The following FRMD4A variants were observed in gnomAD, a reference collection of about 807,000 sequenced individuals.
FRMD4A encodes the protein FERM domain-containing protein 4A.
A neutral mutation model predicts 129.1 loss-of-function variants in FRMD4A; 29 were observed. The observed-to-expected ratio is 0.22, with a 90% CI of 0.17 to 0.31. The LOEUF is 0.31. Ranked by LOEUF, FRMD4A falls within the 10% of genes least tolerant of loss-of-function variation. The pLI is 1.00. For missense variants in FRMD4A, 1,272 were observed against 1,375.8 expected, an observed-to-expected ratio of 0.92 and a Z score of 1.19; for synonymous variants, 634 against 571.6, an observed-to-expected ratio of 1.11 and a Z score of -1.56.
chr10:14,093,839 T>G (rs1447720203), intron 2 of FRMD4A, among the ~76,000 whole-genome samples: 1 of 152,208 alleles, frequency 6.6e-6, no homozygotes, highest in Non-Finnish European at 1.5e-5. Flanking sequence ...CTAGAATGTT[T>G]AATTCTGCTT....
chr10:13,692,646 C>G (rs916002736), intron 15 of FRMD4A: 1 of 149,614 alleles, frequency 6.7e-6, no homozygotes, highest in African/African-American at 2.4e-5. Flanking sequence ...TCTCTCTGGT[C>G]CTTTAAATTT....
chr10:14,259,031 C>A (rs1433280355), intron 2 of FRMD4A, among the ~76,000 whole-genome samples: 1 of 151,916 alleles, frequency 6.6e-6, no homozygotes, highest in East Asian at 1.9e-4. Context: ...ACAAAGGGGG[C>A]AAAAGGAAAT....
chr10:13,969,248 G>C (rs935150296), intron 2 of FRMD4A, among the ~76,000 whole-genome samples: 1 of 152,200 alleles, frequency 6.6e-6, no homozygotes, highest in Non-Finnish European at 1.5e-5. Context: ...CCACCCATGG[G>C]GATTACCTCC....
intron 2 of FRMD4A, among the ~76,000 whole-genome samples, chr10:14,043,292 T>C (rs562711011): frequency 6.6e-6 from 1 of 152,226 alleles, no homozygotes; most frequent in African/African-American, 2.4e-5. Context: ...ATGTTAGTTC[T>C]GAAGGAATTC....
chr10:14,031,132 G>A (rs1833221863), intron 2 of FRMD4A, among the ~76,000 whole-genome samples: 4 of 152,182 alleles, frequency 2.6e-5, no homozygotes, highest in Admixed American at 2.6e-4. Context: ...GCCACCAGAA[G>A]TGTGCAACTG....
At chr10:14,232,205 G>A (rs1473718384) in intron 2 of FRMD4A, among the ~76,000 whole-genome samples, 2 of 152,052 alleles carry the variant, frequency 1.3e-5, no homozygotes, top group Non-Finnish European at 2.9e-5. Flanking sequence ...CCCATTTTTT[G>A]TTATCGTTGG....
chr10:14,290,825 C>T (rs1845828383), intron 2 of FRMD4A, among the ~76,000 whole-genome samples: 1 of 151,998 alleles, frequency 6.6e-6, no homozygotes, highest in Non-Finnish European at 1.5e-5. Context: ...AATAATGGTA[C>T]CTACCTCACA....
chr10:13,881,988 AGG>A (rs1241470573), intron 2 of FRMD4A, among the ~76,000 whole-genome samples: 34 of 10,724 alleles, frequency 3.2e-3, no homozygotes, highest in African/African-American at 6.1e-3. Context: ...GGGAGAGGCA[AGG>A]GTGTGTGTGT....
At chr10:13,693,619 G>T in intron 15 of FRMD4A, 1 of 728,878 alleles carries the variant, frequency 1.4e-6, no homozygotes, top group Non-Finnish European at 2.1e-6. Flanking sequence ...GAAACGCTCT[G>T]GGGGGTACCT....
chr10:13,919,704 G>A (rs113264745), intron 2 of FRMD4A, among the ~76,000 whole-genome samples: 2,263 of 152,252 alleles, frequency 0.015, 52 homozygotes, highest in African/African-American at 0.052. Flanking sequence ...TTAGGAGGCC[G>A]AGGTGGGCGG....
At chr10:14,297,857 G>A (rs1003999144) in intron 2 of FRMD4A, among the ~76,000 whole-genome samples, 1 of 152,162 alleles carries the variant, frequency 6.6e-6, no homozygotes, top group African/African-American at 2.4e-5. Context: ...CATGAATGGC[G>A]ATATGAAGTG....
intron 5 of FRMD4A, among the ~76,000 whole-genome samples, chr10:13,791,915 G>T (rs1006560003): frequency 5.9e-5 from 9 of 152,330 alleles, no homozygotes; most frequent in Middle Eastern, 3.4e-3. Flanking sequence ...CTTCCGGCGG[G>T]TCTCCACAGT....
intron 2 of FRMD4A, among the ~76,000 whole-genome samples, chr10:13,897,207 T>G (rs1247284457): frequency 6.6e-6 from 1 of 152,248 alleles, no homozygotes; most frequent in Non-Finnish European, 1.5e-5. Context: ...AGACTCTTTC[T>G]GCAAAGAGAA....
rs1842547409 is a variant in FRMD4A at position 14,198,859 on chromosome 10, T to C, written c.45+131199A>G. On this transcript the variant is annotated intron_variant, in intron 2 of 24. Coordinates refer to ENST00000357447, the MANE Select transcript of FRMD4A (RefSeq NM_018027.5). ...CGCTCTAAGTCTCAGTTTTCTCATC[T>C]ATAAAATATGAAGATAACAATAGCA... Among the ~76,000 whole-genome samples the C allele has an allele frequency of 1.3e-5, 2 of 152,222 alleles. 1 individual carries two copies. Among genetic ancestry groups the C allele is most frequent in the South Asian group, 4.1e-4 (2 of 4,832 alleles).
At chr10:13,744,218 GA>G (rs2091171458) in intron 9 of FRMD4A, among the ~76,000 whole-genome samples, 1 of 152,088 alleles carries the variant, frequency 6.6e-6, no homozygotes, top group Admixed American at 6.5e-5. Flanking sequence ...TTATTGAGGC[GA>G]TAGGGGTGGT....
intron 17 of FRMD4A, among the ~76,000 whole-genome samples, chr10:13,670,038 C>T (rs10906445): frequency 0.38 from 57,816 of 152,038 alleles, 11,714 homozygotes; most frequent in Non-Finnish European, 0.46. Context: ...CTCTCGGCAG[C>T]TTTTCTTCCA....
intron 2 of FRMD4A, among the ~76,000 whole-genome samples, chr10:14,199,081 TC>T (rs1163090033): frequency 6.6e-6 from 1 of 152,070 alleles, no homozygotes; most frequent in African/African-American, 2.4e-5. Context: ...CCAGTCCATT[TC>T]TTCCTTTCTT....
intron 2 of FRMD4A, among the ~76,000 whole-genome samples, chr10:14,090,406 G>A (rs1288059748): frequency 2.0e-5 from 3 of 152,144 alleles, no homozygotes; most frequent in Non-Finnish European, 2.9e-5. Context: ...TAAAAGGACC[G>A]GGCACTGCAG....
intron 2 of FRMD4A, among the ~76,000 whole-genome samples, chr10:14,313,255 C>T (rs982829559): frequency 1.3e-5 from 2 of 151,650 alleles, no homozygotes; most frequent in East Asian, 1.9e-4. Flanking sequence ...CCCAGCTACT[C>T]GGGAGGCTGA....
Sources: gnomAD v4.1 joint callset for allele counts (sites outside exome capture counted in the v4.1 genomes callset) on GRCh38, gnomAD v4.1.1 for gene constraint, MANE v1.5 for transcripts, NCBI Gene and HGNC (gene_info 2026-07-23, HGNC 2026-07-21) for gene names.